LHPP: variants seen among roughly 807,000 people sequenced by gnomAD.
LHPP encodes the protein phospholysine phosphohistidine inorganic pyrophosphate phosphatase, also known as hLHPP.
Under a neutral mutation model 30.3 loss-of-function variants are expected in LHPP, and 24 were observed. The ratio of observed to expected loss-of-function variants is 0.79; its 90% CI spans 0.57 to 1.11. LHPP has a LOEUF of 1.11. LHPP is among the 50% of genes most tolerant of loss of function. The pLI, the probability that LHPP is intolerant of heterozygous loss-of-function variation, is 0.00. For synonymous variants in LHPP, 150 were observed against 157.1 expected (o/e 0.95, Z 0.34); for missense variants, 356 against 367.2 (o/e 0.97, Z 0.25).
At chr10:124,600,808 C>T (rs1211924750) in intron 6 of LHPP, among the ~76,000 whole-genome samples, 5 of 152,240 alleles carry the variant, frequency 3.3e-5, no homozygotes, top group African/African-American at 1.2e-4. Flanking sequence ...CAGGCGATAA[C>T]CCACAGTCCC....
At chr10:124,482,462 C>T (rs1002023719) in intron 1 of LHPP, among the ~76,000 whole-genome samples, 6 of 152,174 alleles carry the variant, frequency 3.9e-5, no homozygotes, top group East Asian at 1.9e-4. Context: ...AAGTGCCTCC[C>T]GGCCCTTGGG....
rs1954668511 is a variant in LHPP, at chr10:124,523,901, C to T, written c.716+6630C>T. On this transcript the variant is annotated intron_variant, in intron 6 of 6. Transcript: ENST00000368842. This position sits in a 1 kb window ranked among gnomAD's most constrained non-coding sequence, Gnocchi z 4.2. ...AGTCCGTGAATCCCAGACATCCTCTCAGCAGCCCTCTGGTCCTGCCCGGGA... is the reference window on the plus strand; with the variant it reads ...AGTCCGTGAATCCCAGACATCCTCTTAGCAGCCCTCTGGTCCTGCCCGGGA... Among the ~76,000 whole-genome samples, 1 of 152,212 alleles carries T rather than the reference C, an allele frequency of 6.6e-6. No homozygotes were observed. Among genetic ancestry groups the T allele is most frequent in the Non-Finnish European group, 1.5e-5 (1 of 68,040 alleles).
intron 6 of LHPP, among the ~76,000 whole-genome samples, chr10:124,585,401 G>A (rs1010678415): frequency 3.9e-5 from 6 of 152,118 alleles, no homozygotes; most frequent in Non-Finnish European, 5.9e-5. Flanking sequence ...GATTGCCTGA[G>A]TTCAGGAGTT....
At chr10:124,605,942 C>T (rs941145413) in intron 6 of LHPP, among the ~76,000 whole-genome samples, 1 of 152,074 alleles carries the variant, frequency 6.6e-6, no homozygotes, top group Non-Finnish European at 1.5e-5. Flanking sequence ...TAAGGCCAGC[C>T]TCCTGGTCCT....
rs569732340 is a variant in LHPP at position 124,470,308 on chromosome 10, G to C, written c.125+8321G>C. ...GCTGGGCCCAGCCCAGGCCCGGCTCGGCGTTTTTGGAGCCGGCGGAAGGAA... is the reference window on the plus strand; with the variant it reads ...GCTGGGCCCAGCCCAGGCCCGGCTCCGCGTTTTTGGAGCCGGCGGAAGGAA... On this transcript the variant is annotated intron_variant, in intron 1 of 6. Coordinates refer to ENST00000368842, the MANE Select transcript of LHPP (RefSeq NM_022126.4). Among the ~76,000 whole-genome samples the C allele has an allele frequency of 2.8e-3, 421 of 152,244 alleles. 1 individual carries two copies. The highest frequency in any genetic ancestry group is 9.7e-3 in the African/African-American group (402 of 41,558).
intron 5 of LHPP, among the ~76,000 whole-genome samples, chr10:124,502,602 C>T (rs1055076128): frequency 2.7e-5 from 4 of 150,466 alleles, no homozygotes; most frequent in Non-Finnish European, 5.9e-5. Flanking sequence ...ATCTCCTGAC[C>T]TCGTGATCTG....
At chr10:124,506,468 C>T (rs73365865) in intron 5 of LHPP, among the ~76,000 whole-genome samples, 14,910 of 151,554 alleles carry the variant, frequency 0.098, 858 homozygotes, top group East Asian at 0.2. Flanking sequence ...AGAACCGCAG[C>T]ATTAAGCGGT....
chr10:124,504,420 C>T (rs1182047259), intron 5 of LHPP, among the ~76,000 whole-genome samples: 5 of 128,412 alleles, frequency 3.9e-5, no homozygotes, highest in African/African-American at 6.2e-5. Flanking sequence ...GGAAAAACCC[C>T]GTCTCTACAG....
chr10:124,495,282 G>A (rs1213783874), intron 3 of LHPP, among the ~76,000 whole-genome samples: 2 of 152,120 alleles, frequency 1.3e-5, no homozygotes, highest in East Asian at 1.9e-4. Flanking sequence ...TGTGGAACAG[G>A]CCTGGGGTTC....
At chr10:124,613,125 G>T in intron 6 of LHPP, 139 bp from the exon 7 acceptor site, 1 of 708,608 alleles carries the variant, frequency 1.4e-6, no homozygotes, top group Non-Finnish European at 2.6e-6. Context: ...ATGGCCAGTG[G>T]CCACGGGCCA....
chr10:124,527,925 T>G (rs1448573787), intron 6 of LHPP, among the ~76,000 whole-genome samples: 1 of 152,052 alleles, frequency 6.6e-6, no homozygotes, highest in East Asian at 1.9e-4. Context: ...GGAAACAGGT[T>G]TATGCCACCA....
At chr10:124,504,587 G>C (rs1242557418) in intron 5 of LHPP, among the ~76,000 whole-genome samples, 1 of 146,264 alleles carries the variant, frequency 6.8e-6, no homozygotes, top group Non-Finnish European at 1.5e-5. Flanking sequence ...GCAACTGAGC[G>C]AGACCCTGTC....
At chr10:124,497,792 T>C (rs1953770631) in intron 4 of LHPP, among the ~76,000 whole-genome samples, 1 of 152,202 alleles carries the variant, frequency 6.6e-6, no homozygotes, top group Admixed American at 6.5e-5. Context: ...TTGGATGCCT[T>C]CTGCTGTGGG....
chr10:124,603,204 C>A (rs1416897003), intron 6 of LHPP, among the ~76,000 whole-genome samples: 1 of 152,206 alleles, frequency 6.6e-6, no homozygotes, highest in African/African-American at 2.4e-5. Context: ...CTGGCTCACC[C>A]CACGTGGGAG....
rs1206544641 is a variant in LHPP at position 124,576,639 on chromosome 10, A to T, written c.717-36625A>T. 1.3e-5 allele frequency among the ~76,000 whole-genome samples: 2 copies of T among 151,606 alleles called. No homozygotes were observed. The highest frequency in any genetic ancestry group is 1.3e-4 in the Admixed American group (2 of 15,232). Reference sequence around the variant, plus strand: ...CCCCCAGGCCTGCTGGTAATATGGGATACAGAGGTCTCCTCACTGCACACA... The same window carrying T: ...CCCCCAGGCCTGCTGGTAATATGGGTTACAGAGGTCTCCTCACTGCACACA... On this transcript the variant is annotated intron_variant, in intron 6 of 6. Transcript: ENST00000368842. This position sits in a 1 kb window ranked among gnomAD's most constrained non-coding sequence, Gnocchi z 4.2.
chr10:124,562,171 G>A (rs1948406772), intron 6 of LHPP, among the ~76,000 whole-genome samples: 1 of 152,122 alleles, frequency 6.6e-6, no homozygotes, highest in Admixed American at 6.5e-5. Flanking sequence ...GCTGAGCATG[G>A]TGGCACACAC....
chr10:124,490,316 G>C (rs1028882924), intron 3 of LHPP: 3 of 237,546 alleles, frequency 1.3e-5, no homozygotes, highest in African/African-American at 4.6e-5. Flanking sequence ...TAGCAGACAC[G>C]CTCTCCAGGG....
At chr10:124,520,272 C>G (rs1954577789) in intron 6 of LHPP, among the ~76,000 whole-genome samples, 2 of 152,082 alleles carry the variant, frequency 1.3e-5, no homozygotes, top group Non-Finnish European at 1.5e-5. Flanking sequence ...GTTATTTTTC[C>G]TGATCCTCTC....
At chr10:124,474,635 C>T (rs1026448758) in intron 1 of LHPP, among the ~76,000 whole-genome samples, 4 of 152,082 alleles carry the variant, frequency 2.6e-5, no homozygotes, top group Non-Finnish European at 5.9e-5. Context: ...CAGCAGGTCC[C>T]ATCTCTAAAC....
Sources: gnomAD v4.1 joint callset for allele counts (sites outside exome capture counted in the v4.1 genomes callset) on GRCh38, gnomAD v4.1.1 for gene constraint, Gnocchi (gnomAD v3.1) non-coding constraint, MANE v1.5 for transcripts, NCBI Gene and HGNC (gene_info 2026-07-23, HGNC 2026-07-21) for gene names.